Variants in TNKS observed in about 807,000 individuals in gnomAD.
TNKS encodes the protein tankyrase, also known as poly [ADP-ribose] polymerase tankyrase-1.
Under a neutral mutation model 135.8 loss-of-function variants are expected in TNKS, and 72 were observed. The observed-to-expected ratio is 0.53, with a 90% confidence interval of 0.44 to 0.64. The LOEUF (loss-of-function observed/expected upper bound fraction) is 0.64. Ranked by LOEUF, TNKS falls within the 30% of genes least tolerant of loss-of-function variation. The pLI is 0.00. For synonymous variants in TNKS, 849 were observed against 649.3 expected, an observed-to-expected ratio of 1.31 and a Z score of -4.68; for missense variants, 1,769 against 1,674.0, an observed-to-expected ratio of 1.06 and a Z score of -0.99.
chr8:9,679,532 A>G (rs1236784453), intron 3 of TNKS, among the ~76,000 whole-genome samples: 1 of 152,094 alleles, frequency 6.6e-6, no homozygotes, highest in Non-Finnish European at 1.5e-5. Flanking sequence ...TTAGAAGACT[A>G]GTAATTTGTA....
At chr8:9,712,054 A>G (rs1804361522) in intron 11 of TNKS, among the ~76,000 whole-genome samples, 1 of 152,262 alleles carries the variant, frequency 6.6e-6, no homozygotes, top group Non-Finnish European at 1.5e-5. Flanking sequence ...TAGCATAATT[A>G]GTAAATTACA....
At chr8:9,603,020 A>G (rs898376103) in intron 2 of TNKS, among the ~76,000 whole-genome samples, 1 of 152,180 alleles carries the variant, frequency 6.6e-6, no homozygotes, top group African/African-American at 2.4e-5. Flanking sequence ...ACATTTACCA[A>G]TAACTGAATC....
At chr8:9,754,565 A>G (rs1453754712) in intron 20 of TNKS, among the ~76,000 whole-genome samples, 1 of 152,010 alleles carries the variant, frequency 6.6e-6, no homozygotes, top group Admixed American at 6.6e-5. Flanking sequence ...GCTCTTAATG[A>G]TAAGAACAGC....
intron 1 of TNKS, among the ~76,000 whole-genome samples, chr8:9,578,662 C>T (rs1303136291): frequency 1.3e-5 from 2 of 152,012 alleles, no homozygotes; most frequent in Non-Finnish European, 2.9e-5. Context: ...TACTCTTTTC[C>T]ACATGGTTTT....
intron 26 of TNKS, among the ~76,000 whole-genome samples, chr8:9,775,183 A>G (rs1808151031): frequency 6.6e-6 from 1 of 152,144 alleles, no homozygotes; most frequent in African/African-American, 2.4e-5. Flanking sequence ...CTCTAGAATT[A>G]GCAGTAGGTA....
At chr8:9,567,616 A>G (rs1028655328) in intron 1 of TNKS, among the ~76,000 whole-genome samples, 1 of 152,120 alleles carries the variant, frequency 6.6e-6, no homozygotes, top group African/African-American at 2.4e-5. Context: ...ACGGGGTTTC[A>G]CCGTGTTAGC....
chr8:9,636,635 T>G (rs760505018), intron 3 of TNKS, among the ~76,000 whole-genome samples: 1 of 152,204 alleles, frequency 6.6e-6, no homozygotes, highest in African/African-American at 2.4e-5. Flanking sequence ...AAGAAAACTC[T>G]TGGGCATTAC....
intron 2 of TNKS, among the ~76,000 whole-genome samples, chr8:9,590,603 C>T (rs555200844): frequency 6.6e-6 from 1 of 152,242 alleles, no homozygotes; most frequent in South Asian, 2.1e-4. Flanking sequence ...GTGCTTGCTC[C>T]GAGTAAAATG....
intron 2 of TNKS, among the ~76,000 whole-genome samples, chr8:9,592,640 C>G (rs1236822119): frequency 1.3e-5 from 2 of 152,092 alleles, no homozygotes; most frequent in African/African-American, 4.8e-5. Flanking sequence ...ATAATCTTGT[C>G]CACTTTCATA....
chr8:9,750,402 A>T (rs185285898), intron 18 of TNKS, among the ~76,000 whole-genome samples: 1 of 152,244 alleles, frequency 6.6e-6, no homozygotes, highest in Non-Finnish European at 1.5e-5. Flanking sequence ...TATCATGGGC[A>T]GATAAACACA....
At chr8:9,772,550 A>G in intron 26 of TNKS, 1 of 375,766 alleles carries the variant, frequency 2.7e-6, no homozygotes, top group Non-Finnish European at 5.2e-6. Flanking sequence ...CCCAAGAGAC[A>G]TGAAAACGAA....
intron 1 of TNKS, among the ~76,000 whole-genome samples, chr8:9,569,460 A>G (rs1448602582): frequency 1.3e-5 from 2 of 152,196 alleles, no homozygotes; most frequent in Non-Finnish European, 2.9e-5. Flanking sequence ...GTGATACATG[A>G]TACTATATAG....
intron 2 of TNKS, among the ~76,000 whole-genome samples, chr8:9,592,408 C>T (rs1276272819): frequency 2.0e-5 from 3 of 152,146 alleles, no homozygotes; most frequent in Non-Finnish European, 4.4e-5. Context: ...TATTAGGAGA[C>T]AGGAAATACA....
intron 8 of TNKS, 32 bp from the exon 9 acceptor site, chr8:9,708,338 CT>C (rs750316816): frequency 1.2e-5 from 18 of 1,486,110 alleles, no homozygotes; most frequent in East Asian, 2.4e-5. Context: ...ATTTTTACAT[CT>C]TTTTTTATGT....
intron 1 of TNKS, among the ~76,000 whole-genome samples, chr8:9,567,548 T>A (rs1563385550): frequency 1.3e-5 from 2 of 152,208 alleles, no homozygotes; most frequent in Non-Finnish European, 2.9e-5. Flanking sequence ...CCCGAGTAGC[T>A]GGGACTACAG....
intron 2 of TNKS, among the ~76,000 whole-genome samples, chr8:9,610,274 TAA>T (rs1799405000): frequency 6.7e-6 from 1 of 149,228 alleles, no homozygotes; most frequent in Non-Finnish European, 1.5e-5. Flanking sequence ...GATGAAAAGA[TAA>T]AAGAGTTTTT....
At chr8:9,570,381 A>G (rs1797710889) in intron 1 of TNKS, among the ~76,000 whole-genome samples, 1 of 150,204 alleles carries the variant, frequency 6.7e-6, no homozygotes, top group Non-Finnish European at 1.5e-5. Context: ...GAGCCAATGA[A>G]TGAAACATAA....
intron 3 of TNKS, among the ~76,000 whole-genome samples, chr8:9,657,220 CCCGGACGGGGCGG>C: frequency 7.7e-6 from 1 of 129,760 alleles, no homozygotes; most frequent in Non-Finnish European, 1.7e-5. Flanking sequence ...CCCCTCACCT[CCCGGACGGGGCGG>C]CTGGCCGGGC....
At chr8:9,720,649 A>T (rs953021944) in intron 12 of TNKS, 104 bp downstream of exon 12, 78 of 1,320,938 alleles carry the variant, frequency 5.9e-5, no homozygotes, top group Non-Finnish European at 7.2e-5. Flanking sequence ...AGTTTTTCTC[A>T]TGTCTTTTCT....
Sources: allele counts gnomAD v4.1 joint callset (sites outside exome capture counted in the v4.1 genomes callset), GRCh38; gene constraint gnomAD v4.1.1; transcripts MANE v1.5; gene names NCBI Gene and HGNC (gene_info 2026-07-23, HGNC 2026-07-21).